UGT2A1: variants seen among roughly 807,000 people sequenced by gnomAD.
UGT2A1 encodes UDP-glucuronosyltransferase 2A1.
Under a neutral mutation model 45.4 loss-of-function variants are expected in UGT2A1, and 61 were observed. The observed-to-expected ratio is 1.34, with a 90% confidence interval of 1.09 to 1.66. The LOEUF is 1.66. Among genes scored for constraint, UGT2A1 ranks in the 40% most tolerant of loss-of-function variants. UGT2A1 has a pLI of 0.00. For synonymous variants in UGT2A1, 229 were observed against 196.2 expected (o/e 1.17, Z -1.40); for missense variants, 649 against 574.3 (o/e 1.13, Z -1.33).
intron 2 of UGT2A1, among the ~76,000 whole-genome samples, chr4:69,646,032 T>C (rs1467530171): frequency 6.6e-6 from 1 of 151,858 alleles, no homozygotes; most frequent in East Asian, 1.9e-4. Flanking sequence ...TGTCGCATAA[T>C]ACCTAACTCC....
chr4:69,596,032 AAG>A (rs1718901283), intron 4 of UGT2A1, among the ~76,000 whole-genome samples: 1 of 152,202 alleles, frequency 6.6e-6, no homozygotes, highest in African/African-American at 2.4e-5. Flanking sequence ...GACTTCAAAA[AAG>A]TATGTGTTTC....
chr4:69,638,629 AT>A (rs1360044196), intron 2 of UGT2A1, among the ~76,000 whole-genome samples: 10 of 152,144 alleles, frequency 6.6e-5, no homozygotes, highest in African/African-American at 2.4e-4. Flanking sequence ...TTTCATTTAT[AT>A]TTTGAAATTG....
intron 1 of UGT2A1, among the ~76,000 whole-genome samples, chr4:69,649,934 A>T (rs1332501834): frequency 6.6e-6 from 1 of 152,088 alleles, no homozygotes; most frequent in African/African-American, 2.4e-5. Context: ...CATGAGAGGG[A>T]GTGGGTGGAG....
chr4:69,638,759 A>C, intron 2 of UGT2A1: 1 of 1,094,222 alleles, frequency 9.1e-7, no homozygotes, highest in Non-Finnish European at 1.2e-6. Context: ...GAGAATAATC[A>C]GGGAATTGTT....
Position 69,635,791 on chromosome 4 carries a change from A to G in UGT2A1, c.747T>C (p.Ser249=), listed in dbSNP as rs1372513769. ...GCAGTGAGCCAAGATCCGCCACTGCACTCCAGCCTGGGCAACAGAGTAAGA... is the reference window on the plus strand; with the variant it reads ...GCAGTGAGCCAAGATCCGCCACTGCGCTCCAGCCTGGGCAACAGAGTAAGA... ...GGLLLCCPGW[S]AVADLGSLQP... The change falls in exon 3 of 7, where the codon AGT becomes AGC. Residue 249 remains serine (S), a synonymous_variant. Transcript: ENST00000286604. The G allele has an allele frequency of 6.3e-6, 1 of 158,700 alleles. No individual in the cohort carries two copies. Among genetic ancestry groups the G allele is most frequent in the Non-Finnish European group, 1.3e-5 (1 of 76,016 alleles). The allele number at this position is 158,700 out of a possible 1,614,324, so 9.8% of individuals were successfully genotyped here.
intron 3 of UGT2A1, among the ~76,000 whole-genome samples, chr4:69,614,117 C>T (rs369709265): frequency 1.2e-5 from 1 of 85,648 alleles, no homozygotes. Context: ...GCTGATAAAC[C>T]CATTCAGTAG....
intron 3 of UGT2A1, among the ~76,000 whole-genome samples, chr4:69,629,014 A>G (rs895217977): frequency 6.6e-6 from 1 of 151,856 alleles, no homozygotes; most frequent in Non-Finnish European, 1.5e-5. Context: ...CAGGTGATAC[A>G]TGGTTATACT....
intron 3 of UGT2A1, among the ~76,000 whole-genome samples, chr4:69,634,530 G>C (rs766267225): frequency 6.6e-6 from 1 of 152,102 alleles, no homozygotes; most frequent in East Asian, 1.9e-4. Context: ...TTGCAGACAA[G>C]TTGGATAGAG....
intron 3 of UGT2A1, among the ~76,000 whole-genome samples, chr4:69,611,192 CT>C (rs1171712156): frequency 6.6e-6 from 1 of 151,576 alleles, no homozygotes; most frequent in Non-Finnish European, 1.5e-5. Context: ...GTCACTCAAG[CT>C]GGAGTGCAGT....
At chr4:69,651,387 A>G (rs946932547) in intron 1 of UGT2A1, among the ~76,000 whole-genome samples, 3 of 152,206 alleles carry the variant, frequency 2.0e-5, no homozygotes, top group South Asian at 2.1e-4. Flanking sequence ...ATACCTATAT[A>G]TACTATGTGC....
intron 2 of UGT2A1, among the ~76,000 whole-genome samples, chr4:69,646,529 T>A (rs1722267520): frequency 6.6e-6 from 1 of 151,876 alleles, no homozygotes; most frequent in African/African-American, 2.4e-5. Flanking sequence ...ATATGTATGT[T>A]CTTAAACGTG....
In UGT2A1 at chr4:69,647,631, A is replaced by T; in HGVS notation, c.14T>A (p.Leu5His). Residue 5 changes from leucine (L) to histidine (H), a missense_variant, in exon 2 of 7, where the codon CTT becomes CAT. Transcript: ENST00000286604. Reference sequence around the variant, plus strand: ...ACTTATCTGAAGGGAGAACAGCAGAAGGTTGTTTAACATGATGTGGCTTGA... The same window carrying T: ...ACTTATCTGAAGGGAGAACAGCAGATGGTTGTTTAACATGATGTGGCTTGA... MLNN[L>H]LLFSLQISLI... 1 of 1,575,730 alleles carries T rather than the reference A, an allele frequency of 6.3e-7. No homozygotes were observed.
intron 3 of UGT2A1, among the ~76,000 whole-genome samples, chr4:69,610,727 C>A (rs1304258815): frequency 6.6e-6 from 1 of 152,004 alleles, no homozygotes; most frequent in Non-Finnish European, 1.5e-5. Flanking sequence ...AGAGAAAAAG[C>A]TATATGAGAA....
Position 69,647,307 on chromosome 4 carries a change from T to C in UGT2A1, c.338A>G (p.Lys113Arg), listed in dbSNP as rs775225090. ...TIWRFYQEMA[K>R]VIKDFHMVSQ... ...CACCATGTGGAAGTCCTTGATTACT[T>C]TGGCCATCTCCTGATAGAATCTCCA... Residue 113 changes from lysine (K) to arginine (R), a missense_variant, in exon 2 of 7, where the codon AAA becomes AGA. Lys to Arg is a conservative substitution (Grantham distance 26). Coordinates refer to ENST00000286604, the MANE Select transcript of UGT2A1 (RefSeq NM_001252275.3). The C allele has an allele frequency of 4.3e-6, 7 of 1,613,420 alleles. No individual in the cohort carries two copies. The highest frequency in any genetic ancestry group is 5.1e-6 in the Non-Finnish European group (6 of 1,179,554).
At position 69,594,579 on chromosome 4, in the gene UGT2A1, A is replaced by G. The variant is rs977383793; in HGVS notation, c.1202T>C (p.Ile401Thr). 1 of 1,614,126 alleles carries G rather than the reference A, an allele frequency of 6.2e-7. No individual in the cohort carries two copies. The highest frequency in any genetic ancestry group is 1.1e-5 in the South Asian group (1 of 91,072). The change falls in exon 6 of 7, where the codon ATT (isoleucine) becomes ACT (threonine). Residue 401 changes from isoleucine to threonine, a missense_variant. Transcript: ENST00000286604. Reference protein sequence around the residue: ...VPMFADQPDNIAHMKAKGAAV... With the variant: ...VPMFADQPDNTAHMKAKGAAV... Reference sequence around the variant, plus strand: ...TGCTCCTTTGGCCTTCATGTGAGCAATGTTATCAGGCTGATCAGCAAACAT... The same window carrying G: ...TGCTCCTTTGGCCTTCATGTGAGCAGTGTTATCAGGCTGATCAGCAAACAT...
chr4:69,650,568 A>G (rs1373395996), intron 1 of UGT2A1, among the ~76,000 whole-genome samples: 4 of 152,006 alleles, frequency 2.6e-5, no homozygotes, highest in Non-Finnish European at 5.9e-5. Context: ...TAAACAACAT[A>G]TCTGTTAATA....
At chr4:69,638,812 T>C (rs1014635991) in intron 2 of UGT2A1, 52 of 1,422,106 alleles carry the variant, frequency 3.7e-5, no homozygotes, top group Non-Finnish European at 1.2e-5. Context: ...GCTCAGCATA[T>C]GCAGTGGAAT....
intron 1 of UGT2A1, among the ~76,000 whole-genome samples, chr4:69,649,238 C>T (rs765393004): frequency 1.3e-5 from 2 of 152,176 alleles, no homozygotes; most frequent in East Asian, 1.9e-4. Context: ...AAAACAATTA[C>T]TTTTATAAAG....
rs936057890 is a variant in UGT2A1 at position 69,588,816 on chromosome 4, G to A, written c.*556C>T. On this transcript the variant is annotated 3_prime_UTR_variant, in exon 7 of 7. Transcript: ENST00000286604. ...TTGTAGACATTTAATAGGGACGCAC[G>A]TCACACTTAAAATTCATTCTCTAAC... The A allele has an allele frequency of 2.6e-5, 4 of 152,028 alleles. No homozygotes were observed. Among genetic ancestry groups the A allele is most frequent in the Admixed American group, 6.6e-5 (1 of 15,248 alleles). The allele number at this position is 152,028 out of a possible 1,614,324, so 9.4% of individuals were successfully genotyped here.
Sources: allele counts gnomAD v4.1 joint callset (sites outside exome capture counted in the v4.1 genomes callset), GRCh38; gene constraint gnomAD v4.1.1; transcripts MANE v1.5; gene names NCBI Gene and HGNC (gene_info 2026-07-23, HGNC 2026-07-21).